Variants in COPS8 observed in about 807,000 individuals in gnomAD.
The protein encoded by COPS8 is COP9 signalosome subunit 8.
Under a neutral mutation model 31.5 loss-of-function variants are expected in COPS8, and 11 were observed. That is an observed-to-expected ratio of 0.35 (90% CI 0.22 to 0.58). The LOEUF (loss-of-function observed/expected upper bound fraction) is 0.58. Ranked by LOEUF, COPS8 falls within the 20% of genes least tolerant of loss-of-function variation. The pLI, the probability that COPS8 is intolerant of heterozygous loss-of-function variation, is 0.83. For missense variants in COPS8, 215 were observed against 255.1 expected, an observed-to-expected ratio of 0.84 and a Z score of 1.07; for synonymous variants, 81 against 89.3, an observed-to-expected ratio of 0.91 and a Z score of 0.52.
chr2:237,096,617 A>G (rs1319422874), intron 6 of COPS8: 2 of 618,982 alleles, frequency 3.2e-6, no homozygotes, highest in Non-Finnish European at 5.7e-6. Flanking sequence ...TTTGAGTTAC[A>G]AAGAGTGAGA....
intron 4 of COPS8, among the ~76,000 whole-genome samples, chr2:237,091,667 C>A (rs6707198): frequency 1.1e-4 from 16 of 152,184 alleles, no homozygotes; most frequent in African/African-American, 3.9e-4. Flanking sequence ...TATTAGAAAA[C>A]TGAAAATGAC....
At chr2:237,088,253 A>T (rs1696653635) in intron 2 of COPS8, among the ~76,000 whole-genome samples, 1 of 152,204 alleles carries the variant, frequency 6.6e-6, no homozygotes, top group South Asian at 2.1e-4. Flanking sequence ...GGAATGCTAC[A>T]GCCTTGATAG....
chr2:237,094,175 TC>T lies in COPS8; in HGVS notation c.419del (p.Pro140LeufsTer2), dbSNP rs1283933255. On this transcript the variant is annotated frameshift_variant, in exon 5 of 8. Coordinates refer to ENST00000354371, the MANE Select transcript of COPS8 (RefSeq NM_006710.5). LOFTEE classifies it high-confidence loss of function. ...ADDFAAFVGL[P>X]VEEAVKGILE... The stretch of plus-strand genomic sequence containing the variant: ...ATGATTTTGCAGCCTTTGTTGGACT[TC>T]CTGTAGAAGAGGCTGTGAAAGGTAA... The T allele has an allele frequency of 1.9e-6, 3 of 1,614,020 alleles. No homozygotes were observed. Among genetic ancestry groups the T allele is most frequent in the Non-Finnish European group, 2.5e-6 (3 of 1,179,926 alleles).
Position 237,095,970 on chromosome 2 carries a change from A to G in COPS8, c.502+86A>G, listed in dbSNP as rs577337499. 3 of 938,648 alleles carry G rather than the reference A, an allele frequency of 3.2e-6. No homozygotes were observed. In the African/African-American group the frequency reaches 4.9e-5, roughly 15 times the overall value. 58.1% of individuals were successfully genotyped at this position (938,648 alleles called of 1,614,324 possible). On this transcript the variant is annotated intron_variant, in intron 6 of 7. Coordinates refer to ENST00000354371, the MANE Select transcript of COPS8 (RefSeq NM_006710.5). Reference sequence around the variant, plus strand: ...TCAGTCTTTGGTTTTTGATAATTGGATGTAAAATTCGGCTATACTAACACA... The same window carrying G: ...TCAGTCTTTGGTTTTTGATAATTGGGTGTAAAATTCGGCTATACTAACACA...
chr2:237,091,025 G>T (rs1042907296), intron 4 of COPS8, among the ~76,000 whole-genome samples: 2 of 152,214 alleles, frequency 1.3e-5, no homozygotes, highest in Admixed American at 1.3e-4. Flanking sequence ...ATTCAGCCTT[G>T]TGATTGTGGT....
chr2:237,097,256 A>C (rs1696822094), intron 7 of COPS8, among the ~76,000 whole-genome samples: 1 of 129,894 alleles, frequency 7.7e-6, no homozygotes, highest in African/African-American at 3.0e-5. Context: ...GTTTGTTGAC[A>C]ATTTAATATT....
At position 237,089,746 on chromosome 2, in the gene COPS8, G is replaced by A. The variant is rs1045293247; in HGVS notation, c.199-116G>A. ...ATCTTTTAAAATAAATGTTGAATTA[G>A]GTTTTAATGATGTAGCTAACAAGTT... On this transcript the variant is annotated intron_variant, in intron 3 of 7. Coordinates refer to ENST00000354371, the MANE Select transcript of COPS8 (RefSeq NM_006710.5). 6 of 1,003,358 alleles carry A rather than the reference G, an allele frequency of 6.0e-6. No homozygotes were observed. In the Admixed American group the frequency reaches 1.2e-4, roughly 20 times the overall value. The allele number at this position is 1,003,358 out of a possible 1,614,324, so 62.2% of individuals were successfully genotyped here.
intron 4 of COPS8, among the ~76,000 whole-genome samples, chr2:237,091,117 C>T (rs917630669): frequency 6.6e-6 from 1 of 152,132 alleles, no homozygotes; most frequent in Non-Finnish European, 1.5e-5. Flanking sequence ...ACTCCTTACT[C>T]GTTCAGCAAG....
At chr2:237,086,730 A>C (rs1193380940) in intron 1 of COPS8, 1 of 960,002 alleles carries the variant, frequency 1.0e-6, no homozygotes, top group Admixed American at 5.9e-5. Flanking sequence ...TCTCTTATTC[A>C]GGACGCTTGA....
intron 3 of COPS8, among the ~76,000 whole-genome samples, 160 bp from the exon 4 acceptor site, chr2:237,089,702 G>A (rs1255440810): frequency 6.6e-6 from 1 of 152,106 alleles, no homozygotes; most frequent in African/African-American, 2.4e-5. Context: ...GATAGTGATT[G>A]GGCTGAAAAA....
intron 2 of COPS8, chr2:237,087,536 G>T (rs373249144): frequency 3.3e-6 from 1 of 301,536 alleles, no homozygotes; most frequent in Non-Finnish European, 6.9e-6. Context: ...AGAGAAGATT[G>T]CAGCCAAGAG....
chr2:237,091,406 AAC>A lies in COPS8; in HGVS notation c.331+1414_331+1415del, dbSNP rs1438722793. On this transcript the variant is annotated intron_variant, in intron 4 of 7. Coordinates refer to ENST00000354371, the MANE Select transcript of COPS8 (RefSeq NM_006710.5). ...CAGGTTGTAAATGAGTTAATATATA[AAC>A]ATGTACCTTATTCTAAAGCACTACA... Among the ~76,000 whole-genome samples the A allele has an allele frequency of 4.6e-5, 7 of 152,350 alleles. No individual in the cohort carries two copies. In the East Asian group the frequency reaches 1.3e-3, roughly 29 times the overall value.
At position 237,095,919 on chromosome 2, in the gene COPS8, G is replaced by T. The variant is rs756433161; in HGVS notation, c.502+35G>T. The T allele has an allele frequency of 1.2e-5, 17 of 1,475,830 alleles. No homozygotes were observed. The Admixed American group carries it at 1.3e-4, about 12-fold the overall frequency. 91.4% of individuals were successfully genotyped at this position (1,475,830 alleles called of 1,614,324 possible). On this transcript the variant is annotated intron_variant, in intron 6 of 7. Transcript: ENST00000354371. ...GCTTTCACCCATTTACGCAGCACTG[G>T]ACTCTTCTAAGACTGCTTCAGGTTT... is the stretch of plus-strand genomic sequence containing the variant.
At chr2:237,093,484 G>A (rs1696742612) in intron 4 of COPS8, among the ~76,000 whole-genome samples, 1 of 152,158 alleles carries the variant, frequency 6.6e-6, no homozygotes, top group Non-Finnish European at 1.5e-5. Flanking sequence ...ATGGAAGCCT[G>A]GGGACAATCC....
intron 5 of COPS8, 22 bp downstream of exon 5, chr2:237,094,219 C>T: frequency 6.2e-7 from 1 of 1,606,758 alleles, no homozygotes. Context: ...TTACTTTTTA[C>T]TTATAAGGAA....
At chr2:237,097,153 G>A (rs1188814141) in intron 7 of COPS8, among the ~76,000 whole-genome samples, 2 of 151,932 alleles carry the variant, frequency 1.3e-5, no homozygotes, top group Non-Finnish European at 2.9e-5. Context: ...TTATTCAGAA[G>A]GCGTCCCCAG....
intron 6 of COPS8, among the ~76,000 whole-genome samples, chr2:237,096,209 T>TA (rs923504329): frequency 8.6e-5 from 13 of 151,588 alleles, no homozygotes; most frequent in East Asian, 5.8e-4. Flanking sequence ...TTGTCTGTAT[T>TA]AAAAAAAAAT....
chr2:237,085,951 G>C lies in COPS8; in HGVS notation c.-14G>C. The C allele has an allele frequency of 6.2e-7, 1 of 1,611,684 alleles. No individual in the cohort carries two copies. Among genetic ancestry groups the C allele is most frequent in the Non-Finnish European group, 8.5e-7 (1 of 1,178,862 alleles). ...GGCTGTCCGGACGGTGCAGCGGCGAGGCCGGCCGCGAAGATGCCAGTGGCG... is the reference window on the plus strand; with the variant it reads ...GGCTGTCCGGACGGTGCAGCGGCGACGCCGGCCGCGAAGATGCCAGTGGCG... On this transcript the variant is annotated 5_prime_UTR_variant, in exon 1 of 8. Coordinates refer to ENST00000354371, the MANE Select transcript of COPS8 (RefSeq NM_006710.5).
At chr2:237,096,800 T>C (rs1268358859) in intron 6 of COPS8, 22 bp from the exon 7 acceptor site, 1 of 1,597,856 alleles carries the variant, frequency 6.3e-7, no homozygotes, top group Admixed American at 1.7e-5. Context: ...AATTGAGCTG[T>C]ACATTTTTTT....
Sources: gnomAD v4.1 joint callset for allele counts (sites outside exome capture counted in the v4.1 genomes callset) on GRCh38, gnomAD v4.1.1 for gene constraint, MANE v1.5 for transcripts, NCBI Gene and HGNC (gene_info 2026-07-23, HGNC 2026-07-21) for gene names.